Variants in SHC2 observed in about 807,000 individuals in gnomAD.
SHC2 encodes the protein SHC-transforming protein 2.
Under a neutral mutation model 60.6 loss-of-function variants are expected in SHC2, and 62 were observed. The observed-to-expected ratio is 1.02, with a 90% CI of 0.83 to 1.26. The LOEUF is 1.26. Among genes scored for constraint, SHC2 ranks in the 50% most tolerant of loss-of-function variants. The pLI, the probability that SHC2 is intolerant of heterozygous loss-of-function variation, is 0.00. For synonymous variants in SHC2, 375 were observed against 372.4 expected (o/e 1.01, Z -0.08); for missense variants, 873 against 822.2 (o/e 1.06, Z -0.76).
chr19:425,842 A>T lies in SHC2; in HGVS notation c.1175-611T>A, dbSNP rs1194923748. ...TCAGGAGTTCGAGACCAGCCTGGCC[A>T]ACATGGTGAAACCCCGTCTCTACTA... On this transcript the variant is annotated intron_variant, in intron 9 of 12. Transcript: ENST00000264554. The surrounding 1 kb of genome is among the most constrained non-coding windows in gnomAD (Gnocchi z 4.1). Among the ~76,000 whole-genome samples the T allele has an allele frequency of 6.6e-6, 1 of 152,020 alleles. No individual in the cohort carries two copies. The highest frequency in any genetic ancestry group is 1.9e-4 in the East Asian group (1 of 5,184).
intron 12 of SHC2, among the ~76,000 whole-genome samples, chr19:418,718 G>C (rs375916210): frequency 7.1e-6 from 1 of 139,962 alleles, no homozygotes. Flanking sequence ...AGGGAGTGAC[G>C]GCTGGTGGGG....
At position 445,960 on chromosome 19, in the gene SHC2, C is replaced by G. The variant is rs1359626512; in HGVS notation, c.469-5028G>C. Among the ~76,000 whole-genome samples, 1 of 151,698 alleles carries G rather than the reference C, an allele frequency of 6.6e-6. No homozygotes were observed. ...ATCCCAGCTACTTGGGAGGCTGAGG[C>G]AGGAGAATCATTTGAACCCAGGAGG... On this transcript the variant is annotated intron_variant, in intron 1 of 12. Transcript: ENST00000264554. The surrounding 1 kb of genome is among the most constrained non-coding windows in gnomAD (Gnocchi z 4.4).
At chr19:435,893 T>G in intron 7 of SHC2, 4 of 408,810 alleles carry the variant, frequency 9.8e-6, no homozygotes, top group Non-Finnish European at 1.4e-5. Flanking sequence ...AGGAGGGATA[T>G]TGGTTGTAGC....
At position 441,041 on chromosome 19, in the gene SHC2, T is replaced by C; in HGVS notation, c.469-109A>G. ...TCCACCACCCCTGGGGTCGAGCCCT[T>C]TCCTCTGTCCCTGGTGGCTCTGGGG... On this transcript the variant is annotated intron_variant, in intron 1 of 12. Coordinates refer to ENST00000264554, the MANE Select transcript of SHC2 (RefSeq NM_012435.3). This position sits in a 1 kb window ranked among gnomAD's most constrained non-coding sequence, Gnocchi z 4.9. 6.5e-7 allele frequency: 1 copy of C among 1,529,782 alleles called. No homozygotes were observed. The highest frequency in any genetic ancestry group is 8.9e-7 in the Non-Finnish European group (1 of 1,119,004). 94.8% of individuals were successfully genotyped at this position (1,529,782 alleles called of 1,614,324 possible).
At position 434,929 on chromosome 19, in the gene SHC2, T is replaced by C. The variant is rs545801889; in HGVS notation, c.954-64A>G. The C allele has an allele frequency of 5.8e-4, 880 of 1,514,582 alleles. 4 individuals carry two copies. Among genetic ancestry groups the C allele is most frequent in the Non-Finnish European group, 3.8e-4 (427 of 1,127,208 alleles). 93.8% of individuals were successfully genotyped at this position (1,514,582 alleles called of 1,614,324 possible). Reference sequence around the variant, plus strand: ...CCCAAGGGGGCTAAAGCCTTACGGCTTGAGCTTCTGGGGGAGCAGGAAATA... The same window carrying C: ...CCCAAGGGGGCTAAAGCCTTACGGCCTGAGCTTCTGGGGGAGCAGGAAATA... On this transcript the variant is annotated intron_variant, in intron 7 of 12. Transcript: ENST00000264554.
chr19:436,534 C>T (rs925138830), intron 5 of SHC2, 96 bp downstream of exon 5: 29 of 1,581,426 alleles, frequency 1.8e-5, no homozygotes, highest in Non-Finnish European at 1.2e-5. Context: ...GATGTGGGCA[C>T]AGGGTACGTT....
rs1974726164 is a variant in SHC2, at chr19:436,517, G to A, written c.775-86C>T. The A allele has an allele frequency of 2.5e-6, 4 of 1,586,284 alleles. No homozygotes were observed. The South Asian group carries it at 4.4e-5, about 18-fold the overall frequency. On this transcript the variant is annotated intron_variant, in intron 5 of 12. Coordinates refer to ENST00000264554, the MANE Select transcript of SHC2 (RefSeq NM_012435.3). ...CCACCCCAGCAATGCAGAGAGATGG[G>A]GCAGTGGATGTGGGCACAGGGTACG...
At position 423,841 on chromosome 19, in the gene SHC2, C is replaced by T. The variant is rs147497546; in HGVS notation, c.1309+1256G>A. Among the ~76,000 whole-genome samples the T allele has an allele frequency of 3.0e-3, 460 of 152,340 alleles. 1 individual carries two copies. The highest frequency in any genetic ancestry group is 0.011 in the African/African-American group (442 of 41,578). ...GGACGGACGAGAAGACACCCTTCCTCAACCGGGGCTGCCTGGCAGTCTGGT... is the reference window on the plus strand; with the variant it reads ...GGACGGACGAGAAGACACCCTTCCTTAACCGGGGCTGCCTGGCAGTCTGGT... On this transcript the variant is annotated intron_variant, in intron 10 of 12. Coordinates refer to ENST00000264554, the MANE Select transcript of SHC2 (RefSeq NM_012435.3).
chr19:446,222 T>C lies in SHC2; in HGVS notation c.469-5290A>G, dbSNP rs543220534. 6.6e-5 allele frequency among the ~76,000 whole-genome samples: 10 copies of C among 152,138 alleles called. No individual in the cohort carries two copies. Among genetic ancestry groups the C allele is most frequent in the Non-Finnish European group, 1.2e-4 (8 of 68,016 alleles). The stretch of plus-strand genomic sequence containing the variant: ...CAGAGCCTCCAGCAGAAACCAGCCC[T>C]GCCCACACCTTGGCTCGGACGTTGG... On this transcript the variant is annotated intron_variant, in intron 1 of 12. Coordinates refer to ENST00000264554, the MANE Select transcript of SHC2 (RefSeq NM_012435.3). The surrounding 1 kb of genome is among the most constrained non-coding windows in gnomAD (Gnocchi z 5.4).
Position 429,466 on chromosome 19 carries a change from A to G in SHC2, c.1174+1218T>C, listed in dbSNP as rs770465553. Among the ~76,000 whole-genome samples, 18 of 139,372 alleles carry G rather than the reference A, an allele frequency of 1.3e-4. 1 individual carries two copies. Among genetic ancestry groups the G allele is most frequent in the Non-Finnish European group, 2.6e-4 (17 of 64,598 alleles). 91.4% of individuals were successfully genotyped at this position (139,372 alleles called of 152,430 possible). ...CTACACCCAACGTGCACAGAAACCT[A>G]ATACCGTGTGGATGACGCAGTACCT... On this transcript the variant is annotated intron_variant, in intron 9 of 12. Coordinates refer to ENST00000264554, the MANE Select transcript of SHC2 (RefSeq NM_012435.3).
intron 1 of SHC2, among the ~76,000 whole-genome samples, chr19:458,187 G>C (rs2145762311): frequency 7.3e-6 from 1 of 137,112 alleles, no homozygotes; most frequent in South Asian, 2.3e-4. Context: ...GCATGTTCCG[G>C]GGGACGGGGA....
At chr19:439,449 G>A (rs1974805876) in intron 2 of SHC2, 1 of 231,798 alleles carries the variant, frequency 4.3e-6, no homozygotes, top group Non-Finnish European at 8.5e-6. Flanking sequence ...CTGACGCGGG[G>A]TCCGTGTCGA....
chr19:436,357 AC>A (rs1162011557), intron 6 of SHC2, 22 bp downstream of exon 6: 1 of 1,596,598 alleles, frequency 6.3e-7, no homozygotes, highest in Admixed American at 1.7e-5. Flanking sequence ...CAGGACCCCC[AC>A]CGGCCTCCCC....
intron 1 of SHC2, among the ~76,000 whole-genome samples, chr19:444,497 C>T (rs1004119651): frequency 6.6e-6 from 1 of 151,960 alleles, no homozygotes; most frequent in Non-Finnish European, 1.5e-5. Flanking sequence ...CCATGGGTCC[C>T]GTTGTGGGGA....
intron 7 of SHC2, 161 bp downstream of exon 7, chr19:436,004 C>A: frequency 1.3e-6 from 1 of 763,462 alleles, no homozygotes. Context: ...TGTTAACAGC[C>A]GAGGAAACAG....
At chr19:454,091 A>G (rs1224419291) in intron 1 of SHC2, among the ~76,000 whole-genome samples, 1 of 152,220 alleles carries the variant, frequency 6.6e-6, no homozygotes, top group Non-Finnish European at 1.5e-5. Flanking sequence ...TCAGGCGTCA[A>G]GATTCACCCA....
At chr19:435,080 T>G (rs74442065) in intron 7 of SHC2, among the ~76,000 whole-genome samples, 3,502 of 152,336 alleles carry the variant, frequency 0.023, 77 homozygotes, top group East Asian at 0.11. Flanking sequence ...ATTTCCGAGC[T>G]GTAGCACAAA....
At position 417,119 on chromosome 19, in the gene SHC2, T is replaced by C. The variant is rs1600265135; in HGVS notation, c.*209A>G. The C allele has an allele frequency of 6.6e-6, 1 of 152,464 alleles. No homozygotes were observed. The highest frequency in any genetic ancestry group is 1.5e-5 in the Non-Finnish European group (1 of 68,016). 9.4% of individuals were successfully genotyped at this position (152,464 alleles called of 1,614,324 possible). ...CCCTCACTCCAGGCAAAGGAGGGGG[T>C]GGGCAGGGGCCCCGGCAGGAGGAGG... is the stretch of plus-strand genomic sequence containing the variant. On this transcript the variant is annotated 3_prime_UTR_variant, in exon 13 of 13. Transcript: ENST00000264554.
At chr19:455,293 G>A (rs528474313) in intron 1 of SHC2, among the ~76,000 whole-genome samples, 65 of 152,174 alleles carry the variant, frequency 4.3e-4, no homozygotes, top group Non-Finnish European at 7.8e-4. Flanking sequence ...AAGGCATCGC[G>A]AGTGCCATGA....
Sources: allele counts gnomAD v4.1 joint callset (sites outside exome capture counted in the v4.1 genomes callset), GRCh38; gene constraint gnomAD v4.1.1; non-coding constraint Gnocchi (gnomAD v3.1); transcripts MANE v1.5; gene names NCBI Gene and HGNC (gene_info 2026-07-23, HGNC 2026-07-21).